Variants in CUL3 observed in about 807,000 individuals in gnomAD.
CUL3 encodes cullin 3.
CUL3 carries 19 observed loss-of-function variants against 89.1 expected under a neutral mutation model. The observed-to-expected ratio is 0.21, with a 90% CI of 0.15 to 0.31. The LOEUF (loss-of-function observed/expected upper bound fraction) is 0.31, where lower values mean the gene tolerates loss of function less well. CUL3 is among the 10% of genes least tolerant of loss of function. The pLI, the probability that CUL3 is intolerant of heterozygous loss-of-function variation, is 1.00. For missense variants in CUL3, 469 were observed against 942.3 expected (o/e 0.50, Z 6.58); for synonymous variants, 351 against 308.4 (o/e 1.14, Z -1.45).
chr2:224,558,412 T>C (rs1345591956), intron 1 of CUL3, among the ~76,000 whole-genome samples: 4 of 152,182 alleles, frequency 2.6e-5, no homozygotes, highest in Non-Finnish European at 5.9e-5. Context: ...CCTCACTCTA[T>C]GATTATGACT....
At chr2:224,495,692 A>G in intron 13 of CUL3, 140 bp downstream of exon 13, 1 of 616,422 alleles carries the variant, frequency 1.6e-6, no homozygotes, top group Non-Finnish European at 2.8e-6. Context: ...ATGTTCATAC[A>G]GTTCCATGAT....
intron 1 of CUL3, among the ~76,000 whole-genome samples, chr2:224,578,905 T>G (rs1001460879): frequency 1.3e-5 from 2 of 152,202 alleles, no homozygotes; most frequent in Non-Finnish European, 2.9e-5. Flanking sequence ...ATAATCTTCC[T>G]GAACTGGACA....
At chr2:224,566,161 G>A (rs1695036126) in intron 1 of CUL3, among the ~76,000 whole-genome samples, 1 of 152,142 alleles carries the variant, frequency 6.6e-6, no homozygotes, top group South Asian at 2.1e-4. Flanking sequence ...ATGAGATTCT[G>A]GGTGGCTAGG....
chr2:224,541,025 C>T (rs575837155), intron 2 of CUL3, among the ~76,000 whole-genome samples: 27 of 152,018 alleles, frequency 1.8e-4, no homozygotes, highest in African/African-American at 6.5e-4. Context: ...GGTCAGATTA[C>T]AATAAAGTGT....
In CUL3 at chr2:224,537,343, T is replaced by A. The variant is rs532430967; in HGVS notation, c.265-1702A>T. Among the ~76,000 whole-genome samples, 32 of 152,300 alleles carry A rather than the reference T, an allele frequency of 2.1e-4. 2 individuals are homozygous for A. The South Asian group carries it at 6.6e-3, about 32-fold the overall frequency. On this transcript the variant is annotated intron_variant, in intron 2 of 15. Transcript: ENST00000264414. ...GACAATATATCTAGTCTACTAAATA[T>A]ACAGTATAAAAATCACTAGGCCTGT...
At chr2:224,493,048 G>A (rs1312186806) in intron 13 of CUL3, among the ~76,000 whole-genome samples, 5 of 152,106 alleles carry the variant, frequency 3.3e-5, no homozygotes. Context: ...CAGTCAAACC[G>A]TCAGATGACC....
chr2:224,559,717 G>A (rs191230410), intron 1 of CUL3, among the ~76,000 whole-genome samples: 16 of 152,138 alleles, frequency 1.1e-4, no homozygotes, highest in African/African-American at 3.4e-4. Flanking sequence ...AAAATCTAAT[G>A]GGCAAAGTCT....
At chr2:224,479,490 A>T (rs1268558348) in intron 14 of CUL3, 1 of 152,218 alleles carries the variant, frequency 6.6e-6, no homozygotes. Flanking sequence ...CATAAAAATT[A>T]AATGTAATGT....
intron 3 of CUL3, chr2:224,532,896 G>C (rs931467434): frequency 6.6e-6 from 1 of 152,226 alleles, no homozygotes; most frequent in Admixed American, 6.5e-5. Context: ...TCCACTAAAA[G>C]AGGAGGGAAA....
chr2:224,472,253 A>C lies in CUL3; in HGVS notation c.*1992T>G. On this transcript the variant is annotated 3_prime_UTR_variant, in exon 16 of 16. Coordinates refer to ENST00000264414, the MANE Select transcript of CUL3 (RefSeq NM_003590.5). Reference sequence around the variant, plus strand: ...ACAGCCACACTTGAGACAATGACGTAAACTTAAACTTTACTTTTAATGGCT... The same window carrying C: ...ACAGCCACACTTGAGACAATGACGTCAACTTAAACTTTACTTTTAATGGCT... The C allele has an allele frequency of 4.6e-6, 1 of 219,400 alleles. No homozygotes were observed. The highest frequency in any genetic ancestry group is 9.1e-6 in the Non-Finnish European group (1 of 109,362). 13.6% of individuals were successfully genotyped at this position (219,400 alleles called of 1,614,324 possible). A position where few individuals can be genotyped will look rare whatever the true frequency, so the allele number is the denominator to read the frequency against.
chr2:224,494,124 C>G (rs184761820), intron 13 of CUL3, among the ~76,000 whole-genome samples: 2 of 152,124 alleles, frequency 1.3e-5, no homozygotes, highest in Non-Finnish European at 2.9e-5. Flanking sequence ...CTTAATTATA[C>G]TAACTTCCAT....
At chr2:224,539,009 A>C (rs1462271463) in intron 2 of CUL3, among the ~76,000 whole-genome samples, 2 of 135,142 alleles carry the variant, frequency 1.5e-5, no homozygotes, top group African/African-American at 5.1e-5. Flanking sequence ...TCTAAAAATA[A>C]ATAAGACTTC....
At chr2:224,540,485 A>G (rs1459735437) in intron 2 of CUL3, among the ~76,000 whole-genome samples, 1 of 152,066 alleles carries the variant, frequency 6.6e-6, no homozygotes, top group Non-Finnish European at 1.5e-5. Flanking sequence ...ATATTTGGGG[A>G]CCACACAAGA....
At chr2:224,572,178 C>T (rs190010983) in intron 1 of CUL3, among the ~76,000 whole-genome samples, 1 of 152,216 alleles carries the variant, frequency 6.6e-6, no homozygotes, top group East Asian at 1.9e-4. Flanking sequence ...GGTCATGGTC[C>T]TTCCATAAAT....
intron 1 of CUL3, among the ~76,000 whole-genome samples, chr2:224,571,951 A>G (rs1419805837): frequency 2.0e-5 from 3 of 152,210 alleles, no homozygotes; most frequent in African/African-American, 7.2e-5. Context: ...AAGGCTAAGG[A>G]AGCTTATCCA....
At chr2:224,580,738 T>C (rs952704154) in intron 1 of CUL3, among the ~76,000 whole-genome samples, 8 of 152,166 alleles carry the variant, frequency 5.3e-5, no homozygotes, top group Non-Finnish European at 1.2e-4. Flanking sequence ...ATATTACTGA[T>C]GGGAATTTAT....
chr2:224,559,378 C>A (rs1045978407), intron 1 of CUL3, among the ~76,000 whole-genome samples: 1 of 146,870 alleles, frequency 6.8e-6, no homozygotes, highest in Non-Finnish European at 1.5e-5. Context: ...CACTTGAGCC[C>A]GGAGGCAGAG....
chr2:224,584,639 G>C (rs1023412912), intron 1 of CUL3, among the ~76,000 whole-genome samples: 4 of 151,666 alleles, frequency 2.6e-5, no homozygotes, highest in African/African-American at 7.2e-5. Flanking sequence ...GGCAACGTGG[G>C]GAGGCGTGGG....
intron 1 of CUL3, among the ~76,000 whole-genome samples, chr2:224,565,851 T>C (rs556982102): frequency 9.2e-5 from 14 of 152,350 alleles, no homozygotes; most frequent in South Asian, 2.1e-4. Context: ...TGGGAAGTCA[T>C]GTACAACATC....
Sources: gnomAD v4.1 joint callset for allele counts (sites outside exome capture counted in the v4.1 genomes callset) on GRCh38, gnomAD v4.1.1 for gene constraint, MANE v1.5 for transcripts, NCBI Gene and HGNC (gene_info 2026-07-23, HGNC 2026-07-21) for gene names.